Variants in PID1 observed in about 807,000 individuals in gnomAD.
The protein encoded by PID1 is PTB-containing, cubilin and LRP1-interacting protein.
A neutral mutation model predicts 19.1 loss-of-function variants in PID1; 10 were observed. The observed-to-expected ratio is 0.52, with a 90% CI of 0.32 to 0.89. PID1 has a LOEUF of 0.89. Among genes scored for constraint, PID1 ranks in the 40% least tolerant of loss-of-function variants. The pLI, the probability that PID1 is intolerant of heterozygous loss-of-function variation, is 0.03. For missense variants in PID1, 248 were observed against 285.3 expected (o/e 0.87, Z 0.94); for synonymous variants, 130 against 116.0 (o/e 1.12, Z -0.78).
chr2:229,258,749 C>T (rs925053789), intron 1 of PID1, among the ~76,000 whole-genome samples: 3 of 151,542 alleles, frequency 2.0e-5, no homozygotes, highest in African/African-American at 7.3e-5. Context: ...GTAGTCCCAG[C>T]TACTCGGGAG....
At chr2:229,265,456 C>T (rs1416144699) in intron 1 of PID1, among the ~76,000 whole-genome samples, 6 of 152,206 alleles carry the variant, frequency 3.9e-5, no homozygotes, top group African/African-American at 9.6e-5. Flanking sequence ...TACACTGATG[C>T]TTTATCACTG....
intron 1 of PID1, among the ~76,000 whole-genome samples, chr2:229,207,909 A>C (rs978811292): frequency 1.7e-4 from 26 of 152,076 alleles, no homozygotes; most frequent in African/African-American, 6.3e-4. Context: ...CTGTGTTGCC[A>C]TTGAGACCCC....
At position 229,069,143 on chromosome 2, in the gene PID1, TTGTGTGTG is replaced by T. The variant is rs61118908; in HGVS notation, c.178-43043_178-43036del. ...TTCCTTTCTTTAACGAGAAGGGTTT[TTGTGTGTG>T]TGTGTGTGTGTGTGTGTGTGTGTGT... On this transcript the variant is annotated intron_variant, in intron 2 of 2. Transcript: ENST00000392055. Among the ~76,000 whole-genome samples the T allele has an allele frequency of 2.3e-4, 32 of 140,708 alleles. No homozygotes were observed. The East Asian group carries it at 5.8e-3, about 26-fold the overall frequency. 92.3% of individuals were successfully genotyped at this position (140,708 alleles called of 152,430 possible). A position where few individuals can be genotyped will look rare whatever the true frequency, so the allele number is the denominator to read the frequency against.
chr2:229,027,141 CA>C (rs1399472801), intron 2 of PID1, among the ~76,000 whole-genome samples: 2 of 152,084 alleles, frequency 1.3e-5, no homozygotes, highest in African/African-American at 4.8e-5. Flanking sequence ...GACATTTGGT[CA>C]GAATGATTCC....
intron 1 of PID1, among the ~76,000 whole-genome samples, chr2:229,239,902 T>C (rs1389111578): frequency 2.6e-5 from 4 of 152,112 alleles, no homozygotes; most frequent in Non-Finnish European, 5.9e-5. Flanking sequence ...TTTATTGTAA[T>C]CCAATTCAAC....
intron 2 of PID1, among the ~76,000 whole-genome samples, chr2:229,117,986 T>C (rs1188706732): frequency 6.6e-6 from 1 of 152,162 alleles, no homozygotes; most frequent in East Asian, 1.9e-4. Flanking sequence ...TTATGATGCA[T>C]TGCCTTTCTG....
chr2:229,201,630 G>A (rs916219866), intron 1 of PID1, among the ~76,000 whole-genome samples: 4 of 151,974 alleles, frequency 2.6e-5, no homozygotes, highest in Non-Finnish European at 1.5e-5. Context: ...CGATTCTTTC[G>A]TGTACATATC....
At chr2:229,095,636 C>T (rs975262593) in intron 2 of PID1, among the ~76,000 whole-genome samples, 1 of 152,278 alleles carries the variant, frequency 6.6e-6, no homozygotes, top group African/African-American at 2.4e-5. Context: ...AGAAACCATT[C>T]ATACAAAGAT....
At chr2:229,254,126 G>A (rs865883009) in intron 1 of PID1, among the ~76,000 whole-genome samples, 1 of 152,014 alleles carries the variant, frequency 6.6e-6, no homozygotes, top group Non-Finnish European at 1.5e-5. Context: ...CATAGTCCCC[G>A]TGGCTAAAGA....
chr2:229,250,373 G>T (rs1214548805), intron 1 of PID1, among the ~76,000 whole-genome samples: 1 of 152,066 alleles, frequency 6.6e-6, no homozygotes, highest in Non-Finnish European at 1.5e-5. Context: ...ATTTAAAGAT[G>T]GGCTAGAAAA....
chr2:229,185,729 C>A (rs1479534924), intron 1 of PID1, among the ~76,000 whole-genome samples: 1 of 152,148 alleles, frequency 6.6e-6, no homozygotes, highest in Non-Finnish European at 1.5e-5. Flanking sequence ...GATTCAATTA[C>A]CTCCCACTGG....
At chr2:229,237,401 A>G (rs1313900517) in intron 1 of PID1, among the ~76,000 whole-genome samples, 1 of 152,210 alleles carries the variant, frequency 6.6e-6, no homozygotes, top group East Asian at 1.9e-4. Context: ...ATTCAAGCGT[A>G]TCCCCTATAA....
intron 1 of PID1, among the ~76,000 whole-genome samples, chr2:229,196,027 A>C (rs2106235987): frequency 6.6e-6 from 1 of 152,234 alleles, no homozygotes; most frequent in South Asian, 2.1e-4. Context: ...TGACCACTAA[A>C]CCAGTTAAAC....
At chr2:229,090,750 GTCA>G (rs1430854647) in intron 2 of PID1, among the ~76,000 whole-genome samples, 1 of 152,178 alleles carries the variant, frequency 6.6e-6, no homozygotes, top group Admixed American at 6.5e-5. Context: ...ACATGGATGA[GTCA>G]TCATCATTCA....
Position 229,178,426 on chromosome 2 carries a change from T to C in PID1, c.31-22462A>G, listed in dbSNP as rs369814270. Among the ~76,000 whole-genome samples, 39 of 152,352 alleles carry C rather than the reference T, an allele frequency of 2.6e-4. No homozygotes were observed. In the South Asian group the frequency reaches 6.2e-3, roughly 24 times the overall value. On this transcript the variant is annotated intron_variant, in intron 1 of 2. Coordinates refer to ENST00000392055, the MANE Select transcript of PID1 (RefSeq NM_001100818.2). ...AAGGCATCTTAATCAAAAAGGTGTA[T>C]ATAGAAATTTTAGCTTATTTTCTTC...
intron 1 of PID1, among the ~76,000 whole-genome samples, chr2:229,193,481 G>A (rs913261622): frequency 1.3e-5 from 2 of 152,108 alleles, no homozygotes; most frequent in East Asian, 3.9e-4. Flanking sequence ...AAATTCAAGA[G>A]GAGTGGAGTT....
At chr2:229,182,461 T>C (rs929193365) in intron 1 of PID1, among the ~76,000 whole-genome samples, 1 of 152,188 alleles carries the variant, frequency 6.6e-6, no homozygotes, top group Admixed American at 6.5e-5. Flanking sequence ...TTAGGAAATT[T>C]ACTTAAAATC....
At chr2:229,228,587 G>C (rs796709616) in intron 1 of PID1, among the ~76,000 whole-genome samples, 4 of 152,246 alleles carry the variant, frequency 2.6e-5, no homozygotes, top group African/African-American at 9.6e-5. Context: ...AAATAGCTTT[G>C]GATGTGAGTG....
At chr2:229,191,496 T>C (rs559348788) in intron 1 of PID1, among the ~76,000 whole-genome samples, 2 of 152,194 alleles carry the variant, frequency 1.3e-5, no homozygotes, top group East Asian at 1.9e-4. Flanking sequence ...CATGAAGTGA[T>C]ACATCCATCA....
Sources: allele counts gnomAD v4.1 joint callset (sites outside exome capture counted in the v4.1 genomes callset), GRCh38; gene constraint gnomAD v4.1.1; transcripts MANE v1.5; gene names NCBI Gene and HGNC (gene_info 2026-07-23, HGNC 2026-07-21).